Variants in PDE7B observed in about 807,000 individuals in gnomAD.
PDE7B encodes phosphodiesterase 7B, also known as 3',5'-cyclic-AMP phosphodiesterase 7B.
A neutral mutation model predicts 56.2 loss-of-function variants in PDE7B; 29 were observed. The observed-to-expected ratio is 0.52, with a 90% CI of 0.38 to 0.70. The LOEUF (loss-of-function observed/expected upper bound fraction) is 0.70. Ranked by LOEUF, PDE7B falls within the 30% of genes least tolerant of loss-of-function variation. The pLI is 0.00. For synonymous variants in PDE7B, 197 were observed against 196.9 expected (o/e 1.00, Z 0.00); for missense variants, 490 against 565.0 (o/e 0.87, Z 1.35).
chr6:135,902,260 C>T (rs1776015439), intron 1 of PDE7B, among the ~76,000 whole-genome samples: 1 of 151,852 alleles, frequency 6.6e-6, no homozygotes, highest in Non-Finnish European at 1.5e-5. Context: ...TCTGCCCACA[C>T]AACTTCCAAG....
chr6:136,017,849 T>G (rs1464881617), intron 2 of PDE7B, among the ~76,000 whole-genome samples: 1 of 152,164 alleles, frequency 6.6e-6, no homozygotes, highest in Non-Finnish European at 1.5e-5. Context: ...TTAAGAGAAT[T>G]TTAATCTAAA....
At chr6:136,186,660 G>A (rs774647164) in intron 11 of PDE7B, among the ~76,000 whole-genome samples, 2 of 152,204 alleles carry the variant, frequency 1.3e-5, no homozygotes, top group Non-Finnish European at 2.9e-5. Flanking sequence ...TGAAAGTAGA[G>A]GAGGGAGAAG....
intron 9 of PDE7B, among the ~76,000 whole-genome samples, chr6:136,174,760 C>G (rs762946073): frequency 6.6e-6 from 1 of 152,114 alleles, no homozygotes; most frequent in Non-Finnish European, 1.5e-5. Context: ...CATGCTGTTT[C>G]CTAGCACCCA....
At chr6:136,033,837 A>ATT (rs148777059) in intron 2 of PDE7B, among the ~76,000 whole-genome samples, 14 of 150,074 alleles carry the variant, frequency 9.3e-5, no homozygotes, top group African/African-American at 3.4e-4. Context: ...CTCATTTTGA[A>ATT]TTTTTTTTTT....
intron 6 of PDE7B, 105 bp downstream of exon 6, chr6:136,151,360 C>A: frequency 1.7e-6 from 1 of 595,958 alleles, no homozygotes; most frequent in Non-Finnish European, 3.0e-6. Context: ...TAGATGCATA[C>A]CTCCAATTAA....
chr6:135,995,068 C>A (rs1202102261), intron 2 of PDE7B, among the ~76,000 whole-genome samples: 1 of 152,200 alleles, frequency 6.6e-6, no homozygotes, highest in African/African-American at 2.4e-5. Context: ...CCCCTCCCAA[C>A]TCTGCATCCT....
intron 2 of PDE7B, among the ~76,000 whole-genome samples, chr6:136,045,222 G>C (rs1308508693): frequency 6.6e-6 from 1 of 152,124 alleles, no homozygotes; most frequent in East Asian, 1.9e-4. Flanking sequence ...ATGCAATGCT[G>C]TAGTCTTGAT....
chr6:136,102,899 C>T (rs933072028), intron 2 of PDE7B, among the ~76,000 whole-genome samples: 1 of 152,140 alleles, frequency 6.6e-6, no homozygotes, highest in Non-Finnish European at 1.5e-5. Context: ...GCTAAAGATG[C>T]AAGGTGATGC....
intron 2 of PDE7B, among the ~76,000 whole-genome samples, chr6:136,073,120 G>T (rs536523812): frequency 6.6e-6 from 1 of 152,048 alleles, no homozygotes; most frequent in East Asian, 1.9e-4. Flanking sequence ...TGGTGGCGTC[G>T]GCAGGGATGG....
intron 3 of PDE7B, among the ~76,000 whole-genome samples, chr6:136,141,556 T>C (rs188373987): frequency 2.6e-5 from 4 of 152,344 alleles, no homozygotes; most frequent in East Asian, 1.9e-4. Flanking sequence ...AGCTCCTCCT[T>C]GTACCTGTGG....
intron 2 of PDE7B, chr6:135,992,964 T>G (rs1289669070): frequency 1.3e-5 from 2 of 152,168 alleles, no homozygotes; most frequent in Non-Finnish European, 2.9e-5. Flanking sequence ...AGAATATGGT[T>G]GGAGAAAATT....
intron 2 of PDE7B, among the ~76,000 whole-genome samples, chr6:136,103,199 C>A (rs1382343719): frequency 6.6e-6 from 1 of 152,172 alleles, no homozygotes; most frequent in East Asian, 1.9e-4. Context: ...GATGACCAGG[C>A]AGGCCCAGTG....
At chr6:136,168,505 T>G (rs1404142768) in intron 8 of PDE7B, among the ~76,000 whole-genome samples, 1 of 152,166 alleles carries the variant, frequency 6.6e-6, no homozygotes, top group East Asian at 1.9e-4. Flanking sequence ...TTGATAAATA[T>G]TTTTGTTTCA....
At chr6:135,903,047 A>G (rs1274692697) in intron 1 of PDE7B, among the ~76,000 whole-genome samples, 1 of 152,188 alleles carries the variant, frequency 6.6e-6, no homozygotes, top group Non-Finnish European at 1.5e-5. Context: ...CTATCTAGAT[A>G]ATAATTTATT....
intron 2 of PDE7B, among the ~76,000 whole-genome samples, chr6:136,052,617 G>GCCCCCCCCCCCCC (rs11400308): frequency 7.7e-5 from 11 of 142,786 alleles, no homozygotes; most frequent in African/African-American, 2.4e-4. Flanking sequence ...TTAGGGTACA[G>GCCCCCCCCCCCCC]CCCCCCCCCA....
intron 1 of PDE7B, among the ~76,000 whole-genome samples, chr6:135,901,878 C>G (rs914126334): frequency 6.6e-6 from 1 of 152,104 alleles, no homozygotes; most frequent in Non-Finnish European, 1.5e-5. Context: ...TTGTCCTGAG[C>G]TGAGCAATGA....
intron 2 of PDE7B, among the ~76,000 whole-genome samples, chr6:135,999,665 G>A (rs1775631590): frequency 6.6e-6 from 1 of 151,560 alleles, no homozygotes; most frequent in South Asian, 2.1e-4. Flanking sequence ...GTCTGTCACC[G>A]AGAGGCATTT....
intron 3 of PDE7B, among the ~76,000 whole-genome samples, chr6:136,142,838 T>C (rs1394789086): frequency 7.6e-6 from 1 of 131,934 alleles, no homozygotes; most frequent in Non-Finnish European, 1.6e-5. Flanking sequence ...TTTGAGCCTA[T>C]GTGTGTCTCT....
intron 2 of PDE7B, among the ~76,000 whole-genome samples, chr6:136,014,242 C>A (rs1423446423): frequency 6.6e-6 from 1 of 152,142 alleles, no homozygotes. Flanking sequence ...AAAATAAAAT[C>A]ACTCACAATA....
Sources: gnomAD v4.1 joint callset for allele counts (sites outside exome capture counted in the v4.1 genomes callset) on GRCh38, gnomAD v4.1.1 for gene constraint, MANE v1.5 for transcripts, NCBI Gene and HGNC (gene_info 2026-07-23, HGNC 2026-07-21) for gene names.